Variants in IMMP2L observed in about 807,000 individuals in gnomAD.
IMMP2L encodes the protein inner mitochondrial membrane peptidase subunit 2, also known as mitochondrial inner membrane protease subunit 2.
In IMMP2L, 18 loss-of-function variants were observed where a neutral mutation model predicts 19.3. That is an observed-to-expected ratio of 0.93 (90% CI 0.64 to 1.38). The LOEUF is 1.38. IMMP2L is among the 40% of genes most tolerant of loss of function. The pLI is 0.00. For synonymous variants in IMMP2L, 76 were observed against 73.0 expected (o/e 1.04, Z -0.21); for missense variants, 233 against 218.2 (o/e 1.07, Z -0.43).
intron 3 of IMMP2L, among the ~76,000 whole-genome samples, chr7:111,145,836 T>C (rs190761846): frequency 6.6e-6 from 1 of 152,118 alleles, no homozygotes; most frequent in East Asian, 1.9e-4. Flanking sequence ...AATAAACAAA[T>C]AAAAACACTA....
intron 5 of IMMP2L, among the ~76,000 whole-genome samples, chr7:110,700,261 C>T (rs1172383561): frequency 1.3e-5 from 2 of 152,138 alleles, no homozygotes; most frequent in African/African-American, 4.8e-5. Flanking sequence ...TGATCTGGGA[C>T]CCATTGCCCC....
intron 3 of IMMP2L, among the ~76,000 whole-genome samples, chr7:110,976,576 T>A: frequency 6.6e-6 from 1 of 152,130 alleles, no homozygotes; most frequent in East Asian, 1.9e-4. Context: ...TTTTCAAGAA[T>A]ATTTATACAA....
intron 3 of IMMP2L, among the ~76,000 whole-genome samples, chr7:111,038,337 T>C (rs952439350): frequency 6.6e-6 from 1 of 151,960 alleles, no homozygotes; most frequent in Non-Finnish European, 1.5e-5. Flanking sequence ...GGAAAAGGAG[T>C]AAGCCCACAG....
At chr7:110,735,721 C>T (rs10236821) in intron 5 of IMMP2L, among the ~76,000 whole-genome samples, 15 of 112,384 alleles carry the variant, frequency 1.3e-4, no homozygotes, top group Admixed American at 9.4e-4. Context: ...CACACACACA[C>T]GAAAATTAGG....
chr7:110,937,675 T>C (rs900655833), intron 4 of IMMP2L, among the ~76,000 whole-genome samples: 9 of 152,182 alleles, frequency 5.9e-5, no homozygotes, highest in Non-Finnish European at 8.8e-5. Context: ...TTTTGACTCA[T>C]TATACTTCGC....
intron 3 of IMMP2L, among the ~76,000 whole-genome samples, chr7:111,264,511 C>CT (rs1000321070): frequency 8.0e-5 from 12 of 150,850 alleles, no homozygotes; most frequent in African/African-American, 1.5e-4. Flanking sequence ...GCAAGATTTT[C>CT]TTTTTTTTTA....
At chr7:110,802,939 G>A (rs1801362956) in intron 5 of IMMP2L, among the ~76,000 whole-genome samples, 1 of 152,098 alleles carries the variant, frequency 6.6e-6, no homozygotes, top group Non-Finnish European at 1.5e-5. Flanking sequence ...GGAGCTAACA[G>A]TCTAGAAGGA....
At chr7:111,279,896 A>T (rs115093446) in intron 3 of IMMP2L, among the ~76,000 whole-genome samples, 2,875 of 152,162 alleles carry the variant, frequency 0.019, 94 homozygotes, top group African/African-American at 0.066. Context: ...CTCCATCTCC[A>T]ACCTCTATCT....
chr7:110,801,482 A>C (rs1323633934), intron 5 of IMMP2L, among the ~76,000 whole-genome samples: 1 of 152,110 alleles, frequency 6.6e-6, no homozygotes, highest in East Asian at 1.9e-4. Flanking sequence ...ACACTGAACA[A>C]TAAGGATTGC....
chr7:111,291,985 T>C (rs1821160241), intron 3 of IMMP2L, among the ~76,000 whole-genome samples: 1 of 152,170 alleles, frequency 6.6e-6, no homozygotes, highest in Admixed American at 6.6e-5. Flanking sequence ...ACTACTGTGG[T>C]GATTTAAGCT....
chr7:110,672,653 T>C (rs544291599), intron 5 of IMMP2L, among the ~76,000 whole-genome samples: 1 of 152,308 alleles, frequency 6.6e-6, no homozygotes, highest in Admixed American at 6.5e-5. Context: ...AATACACCCA[T>C]TCCAATGGGA....
At chr7:111,021,621 G>A (rs1435042274) in intron 3 of IMMP2L, among the ~76,000 whole-genome samples, 1 of 152,176 alleles carries the variant, frequency 6.6e-6, no homozygotes, top group Non-Finnish European at 1.5e-5. Flanking sequence ...GGTGGCTGAC[G>A]CCAGTAATCC....
At chr7:110,755,389 A>G (rs1797978831) in intron 5 of IMMP2L, among the ~76,000 whole-genome samples, 1 of 152,152 alleles carries the variant, frequency 6.6e-6, no homozygotes, top group African/African-American at 2.4e-5. Context: ...GTTATTTAAA[A>G]TACTGTTTAA....
rs1798267723 is a variant in IMMP2L, at chr7:110,760,180, C to T, written c.409-96459G>A. Among the ~76,000 whole-genome samples the T allele has an allele frequency of 6.6e-6, 1 of 152,064 alleles. No homozygotes were observed. Among genetic ancestry groups the T allele is most frequent in the South Asian group, 2.1e-4 (1 of 4,818 alleles). Reference sequence around the variant, plus strand: ...TTGCTTTTGTGCCACCTTGAGAATTCAGTCTCAATTCTCCACGTCCAGGCC... The same window carrying T: ...TTGCTTTTGTGCCACCTTGAGAATTTAGTCTCAATTCTCCACGTCCAGGCC... On this transcript the variant is annotated intron_variant, in intron 5 of 5. Transcript: ENST00000405709. The surrounding 1 kb of genome is among the most constrained non-coding windows in gnomAD (Gnocchi z 4.2).
Position 111,253,922 on chromosome 7 carries a change from T to C in IMMP2L, c.239+233316A>G, listed in dbSNP as rs1029230264. 2.6e-5 allele frequency among the ~76,000 whole-genome samples: 4 copies of C among 152,230 alleles called. No individual in the cohort carries two copies. In the East Asian group the frequency reaches 7.7e-4, roughly 29 times the overall value. On this transcript the variant is annotated intron_variant, in intron 3 of 5. Transcript: ENST00000405709. ...AAATCCAGATATCAGAATTCTTAGG[T>C]GAAACATACTGATTGTTCAATAACG...
intron 5 of IMMP2L, among the ~76,000 whole-genome samples, chr7:110,775,901 G>C (rs184668196): frequency 1.3e-5 from 2 of 151,720 alleles, no homozygotes; most frequent in East Asian, 3.9e-4. Context: ...TGGAACTCCA[G>C]AGGCAACAAA....
intron 3 of IMMP2L, among the ~76,000 whole-genome samples, chr7:111,022,843 C>G (rs1359916228): frequency 6.6e-6 from 1 of 151,492 alleles, no homozygotes; most frequent in Non-Finnish European, 1.5e-5. Context: ...GAACTCTGAT[C>G]AGAAATAAGT....
intron 5 of IMMP2L, among the ~76,000 whole-genome samples, chr7:110,732,340 G>A (rs1796325104): frequency 6.6e-6 from 1 of 152,154 alleles, no homozygotes; most frequent in Non-Finnish European, 1.5e-5. Flanking sequence ...TTTCAAAGAA[G>A]CTTTCAGAAT....
chr7:111,412,118 C>T (rs2062099745), intron 3 of IMMP2L, among the ~76,000 whole-genome samples: 2 of 151,554 alleles, frequency 1.3e-5, no homozygotes, highest in Admixed American at 6.6e-5. Flanking sequence ...TAAAAAATAA[C>T]AATTCTAAAT....
Sources: allele counts gnomAD v4.1 joint callset (sites outside exome capture counted in the v4.1 genomes callset), GRCh38; gene constraint gnomAD v4.1.1; non-coding constraint Gnocchi (gnomAD v3.1); transcripts MANE v1.5; gene names NCBI Gene and HGNC (gene_info 2026-07-23, HGNC 2026-07-21).